The following CENATAC variants were observed in gnomAD, a reference collection of about 807,000 sequenced individuals.
CENATAC encodes coiled-coil domain containing 84.
CENATAC carries 53 observed loss-of-function variants against 53.7 expected under a neutral mutation model. That is an observed-to-expected ratio of 0.99 (90% CI 0.79 to 1.24). The LOEUF (loss-of-function observed/expected upper bound fraction) is 1.24, where lower values mean the gene tolerates loss of function less well. Ranked by LOEUF, CENATAC falls within the 50% of genes most tolerant of loss-of-function variation. The probability of loss-of-function intolerance (pLI) is 0.00; values close to 1 mark genes in which losing one functional copy is unlikely to be tolerated. For missense variants in CENATAC, 474 were observed against 417.8 expected (o/e 1.13, Z -1.17); for synonymous variants, 156 against 144.6 (o/e 1.08, Z -0.57).
chr11:119,007,831 C>T (rs978461898), intron 3 of CENATAC, among the ~76,000 whole-genome samples: 5 of 152,144 alleles, frequency 3.3e-5, no homozygotes, highest in African/African-American at 1.2e-4. Flanking sequence ...CATACACACA[C>T]AAGGCAATTC....
At chr11:119,000,775 CT>C (rs1942253670) in intron 3 of CENATAC, among the ~76,000 whole-genome samples, 1 of 151,684 alleles carries the variant, frequency 6.6e-6, no homozygotes, top group East Asian at 1.9e-4. Context: ...AAAAAAAATT[CT>C]TTTTTTTAAA....
At position 119,014,979 on chromosome 11, in the gene CENATAC, TA is replaced by T. The variant is rs781942319; in HGVS notation, c.716-13del. 2.6e-6 allele frequency: 4 copies of T among 1,515,334 alleles called. No homozygotes were observed. The highest frequency in any genetic ancestry group is 3.6e-6 in the Non-Finnish European group (4 of 1,124,864). The allele number at this position is 1,515,334 out of a possible 1,614,324, so 93.9% of individuals were successfully genotyped here. ...GACTTAAAAAAAAAAAAAAAAGCCTTAATTTTTTTTTCAGGTGCCACACCTC... is the reference window on the plus strand; with the variant it reads ...GACTTAAAAAAAAAAAAAAAAGCCTTATTTTTTTTTCAGGTGCCACACCTC... On this transcript the variant is annotated splice_polypyrimidine_tract_variant and intron_variant, in intron 8 of 10. Coordinates refer to ENST00000334418, the MANE Select transcript of CENATAC (RefSeq NM_198489.3).
intron 3 of CENATAC, among the ~76,000 whole-genome samples, chr11:119,002,794 GT>G (rs1177155516): frequency 4.0e-5 from 6 of 149,770 alleles, no homozygotes; most frequent in Admixed American, 6.7e-5. Flanking sequence ...AATATTTCAG[GT>G]TTTTTTTCAA....
chr11:119,012,171 C>CA lies in CENATAC; in HGVS notation c.602dup (p.Pro202AlafsTer13), dbSNP rs1565668964. 1 of 1,614,182 alleles carries CA rather than the reference C, an allele frequency of 6.2e-7. No homozygotes were observed. Among genetic ancestry groups the CA allele is most frequent in the Admixed American group, 1.7e-5 (1 of 60,028 alleles). ...CAGCCAAGTAGCTTCCAGCTTACAG[C>CA]AGCCCTCAAATTTGGACCTGCCACC... On this transcript the variant is annotated frameshift_variant, in exon 7 of 11. Transcript: ENST00000334418. LOFTEE classifies it high-confidence loss of function.
rs1232091688 is a variant in CENATAC, at chr11:119,015,748, G to A, written c.*150G>A. The A allele has an allele frequency of 8.0e-7, 1 of 1,254,920 alleles. No homozygotes were observed. Among genetic ancestry groups the A allele is most frequent in the Admixed American group, 1.9e-5 (1 of 51,714 alleles). The allele number at this position is 1,254,920 out of a possible 1,614,324, so 77.7% of individuals were successfully genotyped here. ...AAAGTTTTATTTTTCCAAATGTACA[G>A]CTGGTTGGACCTGTAAAAAAAAATT... On this transcript the variant is annotated 3_prime_UTR_variant, in exon 11 of 11. Transcript: ENST00000334418.
chr11:119,009,752 T>C (rs1284199585), intron 3 of CENATAC: 1 of 152,226 alleles, frequency 6.6e-6, no homozygotes, highest in African/African-American at 2.4e-5. Flanking sequence ...TGAAACTTTG[T>C]GTTGAGAACC....
rs917425937 is a variant in CENATAC at position 118,998,518 on chromosome 11, G to A, written c.209G>A (p.Gly70Asp). Residue 70 changes from glycine to aspartate, a missense_variant, in exon 2 of 11, where the codon GGC becomes GAC. Gly to Asp is a moderately conservative substitution (Grantham distance 94, BLOSUM62 -1). Coordinates refer to ENST00000334418, the MANE Select transcript of CENATAC (RefSeq NM_198489.3). ...CGATGCTGCTGGTGCCTGTGCTGCGGCTGTGAGGTGCGGGAACACCTGAGC... is the reference window on the plus strand; with the variant it reads ...CGATGCTGCTGGTGCCTGTGCTGCGACTGTGAGGTGCGGGAACACCTGAGC... ...HERCCWCLCCGCEVREHLSHG... is the reference protein window; with the variant it reads ...HERCCWCLCCDCEVREHLSHG... 2 of 1,609,268 alleles carry A rather than the reference G, an allele frequency of 1.2e-6. No individual in the cohort carries two copies. The highest frequency in any genetic ancestry group is 1.3e-5 in the African/African-American group (1 of 75,008).
At chr11:119,011,486 T>C (rs782105059) in intron 5 of CENATAC, among the ~76,000 whole-genome samples, 5 of 152,032 alleles carry the variant, frequency 3.3e-5, no homozygotes, top group Non-Finnish European at 7.4e-5. Flanking sequence ...TTCAAGCGAT[T>C]CTCCTGCCTC....
In CENATAC at chr11:119,012,207, C is replaced by G. The variant is rs1942900045; in HGVS notation, c.637C>G (p.Leu213Val). The change falls in exon 7 of 11, where the codon CTT (leucine) becomes GTT (valine). Residue 213 changes from leucine to valine, a missense_variant. Transcript: ENST00000334418. Reference sequence around the variant, plus strand: ...TTTGGACCTGCCACCAGCTCCAGAGCTTGACTGGATGGAGACAGGACCATC... The same window carrying G: ...TTTGGACCTGCCACCAGCTCCAGAGGTTGACTGGATGGAGACAGGACCATC... ...SNLDLPPAPELDWMETGPSLT... is the reference protein window; with the variant it reads ...SNLDLPPAPEVDWMETGPSLT... 2 of 1,614,032 alleles carry G rather than the reference C, an allele frequency of 1.2e-6. No individual in the cohort carries two copies. The highest frequency in any genetic ancestry group is 1.7e-6 in the Non-Finnish European group (2 of 1,180,028).
chr11:119,005,837 C>T (rs1942561405), intron 3 of CENATAC: 1 of 151,790 alleles, frequency 6.6e-6, no homozygotes, highest in South Asian at 2.2e-4. Flanking sequence ...AGAGAAACTT[C>T]CTGGTGATAA....
At chr11:119,005,480 A>ATT (rs1555185335) in intron 3 of CENATAC, among the ~76,000 whole-genome samples, 1 of 143,872 alleles carries the variant, frequency 7.0e-6, no homozygotes. Context: ...AAAAAAAAAA[A>ATT]TTTTTTTTTT....
chr11:119,003,619 C>CTTT (rs782023708), intron 3 of CENATAC: 2 of 111,014 alleles, frequency 1.8e-5, no homozygotes, highest in Admixed American at 1.3e-4. Context: ...ATATTTCTCT[C>CTTT]TCTTTTTTTT....
chr11:119,014,676 A>C (rs1943060208), intron 8 of CENATAC: 1 of 195,120 alleles, frequency 5.1e-6, no homozygotes, highest in South Asian at 1.6e-4. Context: ...CCTGGACATG[A>C]AAATATTTTA....
At chr11:119,011,132 G>C in intron 4 of CENATAC, 89 bp from the exon 5 acceptor site, 1 of 1,127,216 alleles carries the variant, frequency 8.9e-7, no homozygotes, top group Non-Finnish European at 1.3e-6. Flanking sequence ...GTCCACGCCT[G>C]GGGGTGGAGG....
intron 3 of CENATAC, among the ~76,000 whole-genome samples, chr11:119,004,141 C>T (rs1942460527): frequency 6.6e-6 from 1 of 152,184 alleles, no homozygotes; most frequent in South Asian, 2.1e-4. Context: ...ATCATGAGTA[C>T]TCTGCTCATT....
chr11:119,003,010 G>T, intron 3 of CENATAC: 1 of 518,462 alleles, frequency 1.9e-6, no homozygotes, highest in Non-Finnish European at 3.8e-6. Flanking sequence ...ACTGGACTCA[G>T]TTGAGATGAT....
chr11:119,015,226 A>G (rs1943102690), intron 9 of CENATAC, 81 bp from the exon 10 acceptor site: 2 of 1,501,544 alleles, frequency 1.3e-6, no homozygotes, highest in South Asian at 1.3e-5. Flanking sequence ...AGAAGTTTGA[A>G]AACAGCCTGG....
chr11:119,015,501 C>G, intron 10 of CENATAC, 37 bp from the exon 11 acceptor site: 1 of 1,614,050 alleles, frequency 6.2e-7, no homozygotes, highest in Non-Finnish European at 8.5e-7. Flanking sequence ...GGAGATGTCA[C>G]CCTTCATCAT....
rs782120998 is a variant in CENATAC, at chr11:119,015,331, T to C, written c.830T>C (p.Leu277Pro). The change falls in exon 10 of 11, where the codon CTC becomes CCC. Residue 277 changes from leucine (L) to proline (P), a missense_variant. Physicochemically the swap from Leu to Pro is moderately conservative, Grantham distance 98. Coordinates refer to ENST00000334418, the MANE Select transcript of CENATAC (RefSeq NM_198489.3). The part of the protein sequence containing the change: ...KEKEKQKLKK[L>P]PPDRVGANFD... ...GAGGAAAAACAGAAGTTGAAAAAAC[T>C]CCCCCCAGACCGAGTTGGGGCCAAC... The C allele has an allele frequency of 5.0e-6, 8 of 1,611,868 alleles. No individual in the cohort carries two copies. The highest frequency in any genetic ancestry group is 6.8e-6 in the Non-Finnish European group (8 of 1,179,426).
Sources: allele counts gnomAD v4.1 joint callset (sites outside exome capture counted in the v4.1 genomes callset), GRCh38; gene constraint gnomAD v4.1.1; transcripts MANE v1.5; gene names NCBI Gene and HGNC (gene_info 2026-07-23, HGNC 2026-07-21).